Variants in ITFG1 observed in about 807,000 individuals in gnomAD.
The protein encoded by ITFG1 is integrin alpha FG-GAP repeat containing 1, also known as T-cell immunomodulatory protein.
A neutral mutation model predicts 81.8 loss-of-function variants in ITFG1; 34 were observed. The observed-to-expected ratio is 0.42, with a 90% confidence interval of 0.32 to 0.55. The LOEUF is 0.55. Among genes scored for constraint, ITFG1 ranks in the 20% least tolerant of loss-of-function variants. The probability of loss-of-function intolerance (pLI) is 0.17; values close to 1 mark genes in which losing one functional copy is unlikely to be tolerated. For synonymous variants in ITFG1, 285 were observed against 270.6 expected, an observed-to-expected ratio of 1.05 and a Z score of -0.52; for missense variants, 672 against 755.4, an observed-to-expected ratio of 0.89 and a Z score of 1.29.
At position 47,452,801 on chromosome 16, in the gene ITFG1, GAT is replaced by G. The variant is rs144553201; in HGVS notation, c.428-13_428-12del. 4,461 of 1,351,804 alleles carry G rather than the reference GAT, an allele frequency of 3.3e-3. No individual in the cohort carries two copies. The highest frequency in any genetic ancestry group is 4.2e-3 in the South Asian group (315 of 74,558). The allele number at this position is 1,351,804 out of a possible 1,614,324, so 83.7% of individuals were successfully genotyped here. ...TCATATTGTTAGGATCTGCAAAAAA[GAT>G]ATATATATATATGAATTAGCAGGCA... On this transcript the variant is annotated splice_polypyrimidine_tract_variant and intron_variant, in intron 3 of 17. Coordinates refer to ENST00000320640, the MANE Select transcript of ITFG1 (RefSeq NM_030790.5).
At chr16:47,362,696 T>C (rs1968124651) in intron 8 of ITFG1, among the ~76,000 whole-genome samples, 1 of 152,216 alleles carries the variant, frequency 6.6e-6, no homozygotes, top group Non-Finnish European at 1.5e-5. Context: ...TTTGTACCCT[T>C]TCTCAGCTTA....
At position 47,326,057 on chromosome 16, in the gene ITFG1, T is replaced by C. The variant is rs1596896783; in HGVS notation, c.803-12234A>G. ...TTTAGACCAATATCCTTGATGAACA[T>C]TGATGCACAAATCCTCAATAAAATA... On this transcript the variant is annotated intron_variant, in intron 8 of 17. Coordinates refer to ENST00000320640, the MANE Select transcript of ITFG1 (RefSeq NM_030790.5). 3.9e-5 allele frequency among the ~76,000 whole-genome samples: 6 copies of C among 152,298 alleles called. No homozygotes were observed. The Middle Eastern group carries it at 0.014, about 345-fold the overall frequency.
intron 8 of ITFG1, among the ~76,000 whole-genome samples, chr16:47,353,176 T>G (rs1032453735): frequency 6.6e-6 from 1 of 152,000 alleles, no homozygotes; most frequent in Non-Finnish European, 1.5e-5. Context: ...AACCTGCACA[T>G]TGTGCACATG....
chr16:47,178,042 A>T (rs1468422637), intron 14 of ITFG1, among the ~76,000 whole-genome samples: 2 of 152,224 alleles, frequency 1.3e-5, no homozygotes, highest in Non-Finnish European at 2.9e-5. Context: ...GAGAATAAAG[A>T]TATTAACATT....
At chr16:47,357,955 C>T (rs1968062414) in intron 8 of ITFG1, among the ~76,000 whole-genome samples, 1 of 152,104 alleles carries the variant, frequency 6.6e-6, no homozygotes, top group African/African-American at 2.4e-5. Context: ...CCATGACTCA[C>T]CAAGATAGAT....
intron 10 of ITFG1, among the ~76,000 whole-genome samples, chr16:47,309,960 C>G (rs905990983): frequency 6.6e-6 from 1 of 152,080 alleles, no homozygotes; most frequent in Non-Finnish European, 1.5e-5. Flanking sequence ...TTTTACAGTT[C>G]TTTGTTTTTA....
At chr16:47,181,209 G>A (rs569147456) in intron 14 of ITFG1, among the ~76,000 whole-genome samples, 1 of 150,760 alleles carries the variant, frequency 6.6e-6, no homozygotes, top group African/African-American at 2.4e-5. Context: ...GAAGTGAGGA[G>A]ACCCTCTGCC....
chr16:47,298,401 T>C (rs1295015649), intron 10 of ITFG1, among the ~76,000 whole-genome samples: 2 of 152,322 alleles, frequency 1.3e-5, no homozygotes, highest in South Asian at 2.1e-4. Context: ...ACTTCAGCAT[T>C]ATTACACTGA....
At chr16:47,332,161 T>C (rs1029720364) in intron 8 of ITFG1, among the ~76,000 whole-genome samples, 1 of 151,752 alleles carries the variant, frequency 6.6e-6, no homozygotes, top group Admixed American at 6.6e-5. Context: ...ACCTGCACAT[T>C]GTGCACAGGT....
chr16:47,351,063 AAAT>A (rs1239240330), intron 8 of ITFG1, among the ~76,000 whole-genome samples: 2 of 152,210 alleles, frequency 1.3e-5, no homozygotes, highest in African/African-American at 4.8e-5. Context: ...ATGTATCTCA[AAAT>A]AATAAGAGCT....
At chr16:47,409,406 T>TATA (rs59928420) in intron 6 of ITFG1, among the ~76,000 whole-genome samples, 18 of 11,666 alleles carry the variant, frequency 1.5e-3, no homozygotes, top group African/African-American at 2.9e-3. Context: ...ATATATATAT[T>TATA]TTTTTTTTTT....
chr16:47,183,227 T>G (rs949368332), intron 14 of ITFG1, among the ~76,000 whole-genome samples: 7 of 152,196 alleles, frequency 4.6e-5, no homozygotes, highest in Non-Finnish European at 1.5e-5. Flanking sequence ...TTGCCCAGGC[T>G]TGCTTAGGTA....
At chr16:47,193,047 T>A (rs998223521) in intron 14 of ITFG1, among the ~76,000 whole-genome samples, 1 of 152,206 alleles carries the variant, frequency 6.6e-6, no homozygotes, top group Non-Finnish European at 1.5e-5. Context: ...GTCCCGTGTC[T>A]TCATTCTTTG....
At chr16:47,270,350 C>T (rs898121394) in intron 10 of ITFG1, among the ~76,000 whole-genome samples, 3 of 143,190 alleles carry the variant, frequency 2.1e-5, no homozygotes, top group African/African-American at 7.3e-5. Flanking sequence ...AAAAATCTTT[C>T]AATATTCAAT....
chr16:47,316,756 T>C (rs1453208654), intron 8 of ITFG1, among the ~76,000 whole-genome samples: 1 of 152,212 alleles, frequency 6.6e-6, no homozygotes, highest in Non-Finnish European at 1.5e-5. Context: ...AATATATTAT[T>C]ATGCCTGGGG....
At chr16:47,417,709 T>A (rs945156730) in intron 6 of ITFG1, among the ~76,000 whole-genome samples, 2 of 152,222 alleles carry the variant, frequency 1.3e-5, no homozygotes, top group Non-Finnish European at 2.9e-5. Context: ...AATAACAGGC[T>A]TTCATTCTTT....
chr16:47,268,918 A>G (rs1275075042), intron 10 of ITFG1, among the ~76,000 whole-genome samples: 1 of 152,252 alleles, frequency 6.6e-6, no homozygotes, highest in Admixed American at 6.5e-5. Context: ...TAATACAATC[A>G]TCTAATAAAA....
intron 6 of ITFG1, among the ~76,000 whole-genome samples, chr16:47,384,497 A>G (rs559650601): frequency 6.6e-6 from 1 of 152,266 alleles, no homozygotes; most frequent in Middle Eastern, 3.4e-3. Context: ...GTCTTAATGA[A>G]ATAACCTGTC....
intron 14 of ITFG1, among the ~76,000 whole-genome samples, chr16:47,172,425 T>C (rs1002905816): frequency 6.6e-6 from 1 of 152,176 alleles, no homozygotes; most frequent in Non-Finnish European, 1.5e-5. Flanking sequence ...GAGGCGCAGG[T>C]TGCAGTGAGC....
Sources: allele counts gnomAD v4.1 joint callset (sites outside exome capture counted in the v4.1 genomes callset), GRCh38; gene constraint gnomAD v4.1.1; transcripts MANE v1.5; gene names NCBI Gene and HGNC (gene_info 2026-07-23, HGNC 2026-07-21).